SPP2: variants seen among roughly 807,000 people sequenced by gnomAD.
SPP2 encodes the protein secreted phosphoprotein 24.
SPP2 carries 34 observed loss-of-function variants against 28.8 expected under a neutral mutation model. The ratio of observed to expected loss-of-function variants is 1.18; its 90% CI spans 0.90 to 1.57. The LOEUF is 1.57. SPP2 is among the 40% of genes most tolerant of loss of function. The pLI is 0.00. For synonymous variants in SPP2, 96 were observed against 89.4 expected, an observed-to-expected ratio of 1.07 and a Z score of -0.42; for missense variants, 269 against 263.9, an observed-to-expected ratio of 1.02 and a Z score of -0.13.
chr2:234,067,539 A>G (rs544099026), intron 6 of SPP2, among the ~76,000 whole-genome samples: 78 of 152,218 alleles, frequency 5.1e-4, no homozygotes, highest in Non-Finnish European at 2.1e-4. Flanking sequence ...GCACTTTGGG[A>G]GGCCGAGGCG....
At chr2:234,061,814 G>A (rs761578922) in intron 4 of SPP2, among the ~76,000 whole-genome samples, 2 of 152,122 alleles carry the variant, frequency 1.3e-5, no homozygotes, top group Non-Finnish European at 2.9e-5. Flanking sequence ...AGTTGAGCAC[G>A]GCCTTATTGA....
intron 2 of SPP2, among the ~76,000 whole-genome samples, chr2:234,054,089 A>G (rs1442799328): frequency 6.6e-6 from 1 of 152,228 alleles, no homozygotes; most frequent in African/African-American, 2.4e-5. Context: ...CTGATGCTGC[A>G]TCTTTGAGCT....
At chr2:234,067,401 A>C (rs541457730) in intron 6 of SPP2, 127 bp downstream of exon 6, 1 of 909,180 alleles carries the variant, frequency 1.1e-6, no homozygotes, top group Non-Finnish European at 1.7e-6. Flanking sequence ...AAATATTTTA[A>C]GTAAAAAAGG....
chr2:234,075,486 C>T (rs1407935715), intron 7 of SPP2, among the ~76,000 whole-genome samples: 1 of 152,186 alleles, frequency 6.6e-6, no homozygotes, highest in East Asian at 1.9e-4. Flanking sequence ...CTGGACCTCA[C>T]GGCCGCGTTG....
intron 4 of SPP2, 50 bp downstream of exon 4, chr2:234,060,529 G>A (rs750040012): frequency 2.0e-6 from 3 of 1,473,392 alleles, no homozygotes; most frequent in Admixed American, 3.9e-5. Context: ...TAGGGTCTGT[G>A]TGGGTTTGTG....
At chr2:234,075,825 T>A (rs189778771) in intron 7 of SPP2, among the ~76,000 whole-genome samples, 1 of 152,246 alleles carries the variant, frequency 6.6e-6, no homozygotes, top group East Asian at 1.9e-4. Flanking sequence ...CAAAATGCAA[T>A]TCTTCCCTCG....
chr2:234,065,097 T>G (rs1693791456), intron 4 of SPP2, among the ~76,000 whole-genome samples: 1 of 152,234 alleles, frequency 6.6e-6, no homozygotes, highest in Non-Finnish European at 1.5e-5. Context: ...TTAATGACCG[T>G]ATAGTGACTT....
In SPP2 at chr2:234,050,858, C is replaced by T. The variant is rs773241018; in HGVS notation, c.72C>T (p.Tyr24=). 2.5e-6 allele frequency: 4 copies of T among 1,614,080 alleles called. No homozygotes were observed. Among genetic ancestry groups the T allele is most frequent in the South Asian group, 1.1e-5 (1 of 91,076 alleles). Residue 24 remains tyrosine, a synonymous_variant, in exon 1 of 8, where the codon TAC becomes TAT. Transcript: ENST00000168148. The part of the protein sequence containing the change: ...ILIMFALGMN[Y]WSCSGFPVYD... ...TTATGTTTGCTCTTGGAATGAACTACTGGTCTTGCTCAGGTAAGGTATTCA... is the reference window on the plus strand; with the variant it reads ...TTATGTTTGCTCTTGGAATGAACTATTGGTCTTGCTCAGGTAAGGTATTCA...
intron 2 of SPP2, among the ~76,000 whole-genome samples, chr2:234,057,218 T>C (rs951059041): frequency 1.3e-5 from 2 of 152,148 alleles, no homozygotes; most frequent in African/African-American, 4.8e-5. Context: ...AACTCTGTGA[T>C]AGCATCTCGC....
intron 7 of SPP2, among the ~76,000 whole-genome samples, chr2:234,074,995 A>C (rs1428884604): frequency 5.2e-5 from 5 of 97,020 alleles, no homozygotes; most frequent in Non-Finnish European, 1.0e-4. Flanking sequence ...AAAAGCACAA[A>C]AATGCAAAAA....
chr2:234,059,885 G>T lies in SPP2; in HGVS notation c.334-484G>T, dbSNP rs368959453. 1.2e-4 allele frequency among the ~76,000 whole-genome samples: 19 copies of T among 152,176 alleles called. No homozygotes were observed. In the East Asian group the frequency reaches 3.5e-3, roughly 28 times the overall value. On this transcript the variant is annotated intron_variant, in intron 3 of 7. Coordinates refer to ENST00000168148, the MANE Select transcript of SPP2 (RefSeq NM_006944.3). The stretch of plus-strand genomic sequence containing the variant: ...CCAAAATTTGTTTTCCAAAGTGTTT[G>T]CATTCTGAGGTTCAAGCTCGTGGGT...
intron 2 of SPP2, among the ~76,000 whole-genome samples, chr2:234,052,677 C>T (rs1693521952): frequency 6.6e-6 from 1 of 152,204 alleles, no homozygotes; most frequent in Non-Finnish European, 1.5e-5. Context: ...TGCCTCTCCA[C>T]CTCAAGTACA....
At chr2:234,066,118 G>T (rs1284274345) in intron 4 of SPP2, among the ~76,000 whole-genome samples, 1 of 152,104 alleles carries the variant, frequency 6.6e-6, no homozygotes, top group Non-Finnish European at 1.5e-5. Context: ...ATGATTGCAT[G>T]GACTTTTAGT....
chr2:234,060,028 C>T (rs1000833950), intron 3 of SPP2, among the ~76,000 whole-genome samples: 7 of 152,164 alleles, frequency 4.6e-5, no homozygotes, highest in African/African-American at 1.2e-4. Flanking sequence ...CTAATGAAAT[C>T]TGAGGGCAAA....
At chr2:234,072,030 T>C (rs1690799814) in intron 7 of SPP2, among the ~76,000 whole-genome samples, 1 of 152,216 alleles carries the variant, frequency 6.6e-6, no homozygotes, top group South Asian at 2.1e-4. Context: ...CAACTGCCAC[T>C]GTCCCGCAGT....
chr2:234,055,145 G>C (rs1002289786), intron 2 of SPP2, among the ~76,000 whole-genome samples: 7 of 152,040 alleles, frequency 4.6e-5, no homozygotes, highest in Admixed American at 6.6e-5. Context: ...GAATATATGA[G>C]AGAGAGACAT....
intron 2 of SPP2, among the ~76,000 whole-genome samples, chr2:234,051,957 C>T (rs1202537512): frequency 1.3e-5 from 2 of 152,210 alleles, no homozygotes; most frequent in African/African-American, 4.8e-5. Flanking sequence ...CTTGTTCCCT[C>T]TGCTACTCTG....
chr2:234,059,795 C>T (rs1395711224), intron 3 of SPP2, among the ~76,000 whole-genome samples: 3 of 152,192 alleles, frequency 2.0e-5, no homozygotes, highest in African/African-American at 7.2e-5. Context: ...TAGCTTTAGT[C>T]TCCACAGACA....
intron 2 of SPP2, among the ~76,000 whole-genome samples, chr2:234,052,656 A>G (rs1193983881): frequency 1.3e-5 from 2 of 152,206 alleles, no homozygotes; most frequent in African/African-American, 2.4e-5. Flanking sequence ...TGATGAGCAC[A>G]TGAAAAATGT....
Sources: gnomAD v4.1 joint callset for allele counts (sites outside exome capture counted in the v4.1 genomes callset) on GRCh38, gnomAD v4.1.1 for gene constraint, MANE v1.5 for transcripts, NCBI Gene and HGNC (gene_info 2026-07-23, HGNC 2026-07-21) for gene names.